OSBPL6: variants seen among roughly 807,000 people sequenced by gnomAD.
The protein encoded by OSBPL6 is oxysterol binding protein like 6.
A neutral mutation model predicts 125.8 loss-of-function variants in OSBPL6; 49 were observed. The observed-to-expected ratio is 0.39, with a 90% CI of 0.31 to 0.49. OSBPL6 has a LOEUF of 0.49. Among genes scored for constraint, OSBPL6 ranks in the 20% least tolerant of loss-of-function variants. OSBPL6 has a pLI of 0.88. For missense variants in OSBPL6, 986 were observed against 1,135.4 expected (o/e 0.87, Z 1.89); for synonymous variants, 394 against 391.8 (o/e 1.01, Z -0.07).
At chr2:178,247,016 ACCC>A (rs1491121004) in intron 1 of OSBPL6, among the ~76,000 whole-genome samples, 1 of 43,186 alleles carries the variant, frequency 2.3e-5, no homozygotes, top group Non-Finnish European at 4.7e-5. Context: ...GCCCCTCCCC[ACCC>A]CCCCATGTTA....
intron 3 of OSBPL6, among the ~76,000 whole-genome samples, chr2:178,310,354 TGATTTC>T (rs1261044454): frequency 6.6e-6 from 1 of 151,800 alleles, no homozygotes; most frequent in Non-Finnish European, 1.5e-5. Context: ...TTACCAAGGG[TGATTTC>T]AACTTGGATT....
chr2:178,235,777 T>C (rs988950282), intron 1 of OSBPL6, among the ~76,000 whole-genome samples: 1 of 152,232 alleles, frequency 6.6e-6, no homozygotes, highest in Non-Finnish European at 1.5e-5. Context: ...GGCTTAACAA[T>C]CTAATTTTTA....
rs1043126802 is a variant in OSBPL6, at chr2:178,275,436, C to T, written c.-350-9491C>T. On this transcript the variant is annotated intron_variant, in intron 1 of 24. Transcript: ENST00000190611. ...CAGAGGCAGGAGAATCTCTTGAACC[C>T]GGAAGCCGGAGGTTGCAGTGAGCCA... is the stretch of plus-strand genomic sequence containing the variant. Among the ~76,000 whole-genome samples, 12 of 152,090 alleles carry T rather than the reference C, an allele frequency of 7.9e-5. 1 individual carries two copies. In the South Asian group the frequency reaches 1.2e-3, roughly 16 times the overall value.
At chr2:178,335,779 T>G (rs1462167985) in intron 8 of OSBPL6, among the ~76,000 whole-genome samples, 1 of 152,216 alleles carries the variant, frequency 6.6e-6, no homozygotes, top group Non-Finnish European at 1.5e-5. Context: ...ATAACTTTAA[T>G]GGAAAGCTAT....
intron 1 of OSBPL6, among the ~76,000 whole-genome samples, chr2:178,249,082 T>C (rs1037857998): frequency 5.3e-5 from 8 of 151,954 alleles, no homozygotes; most frequent in African/African-American, 1.9e-4. Flanking sequence ...GATTATAAAG[T>C]GTGCACTACC....
chr2:178,298,663 G>A (rs1326029648), intron 2 of OSBPL6, among the ~76,000 whole-genome samples: 2 of 149,640 alleles, frequency 1.3e-5, no homozygotes, highest in East Asian at 1.9e-4. Flanking sequence ...GATTACAGGT[G>A]TGAGCCACCA....
chr2:178,352,665 G>A (rs1057299998), intron 12 of OSBPL6, among the ~76,000 whole-genome samples: 2 of 152,166 alleles, frequency 1.3e-5, no homozygotes, highest in East Asian at 3.9e-4. Context: ...TCAGGGCATA[G>A]TTGAAAAAAA....
At chr2:178,211,164 A>G (rs1043760079) in intron 1 of OSBPL6, among the ~76,000 whole-genome samples, 9 of 152,134 alleles carry the variant, frequency 5.9e-5, no homozygotes, top group Admixed American at 2.6e-4. Context: ...CCAGCTCCTC[A>G]CGAGGCTAAG....
rs2090155502 is a variant in OSBPL6, at chr2:178,217,907, T to C, written c.-351+23233T>C. 4.6e-5 allele frequency among the ~76,000 whole-genome samples: 7 copies of C among 152,300 alleles called. No homozygotes were observed. The South Asian group carries it at 1.5e-3, about 32-fold the overall frequency. On this transcript the variant is annotated intron_variant, in intron 1 of 24. Coordinates refer to ENST00000190611, the MANE Select transcript of OSBPL6 (RefSeq NM_032523.4). ...GAAAGGAAAATAATTTGGGGCTGGTTTTCATGAAAAGGAAAACCTTATGGA... is the reference window on the plus strand; with the variant it reads ...GAAAGGAAAATAATTTGGGGCTGGTCTTCATGAAAAGGAAAACCTTATGGA...
intron 1 of OSBPL6, among the ~76,000 whole-genome samples, chr2:178,245,058 A>G: frequency 6.6e-6 from 1 of 152,170 alleles, no homozygotes. Context: ...GACACGATGG[A>G]TTATACTGCA....
At chr2:178,217,656 G>A (rs1297445012) in intron 1 of OSBPL6, among the ~76,000 whole-genome samples, 1 of 152,200 alleles carries the variant, frequency 6.6e-6, no homozygotes, top group Non-Finnish European at 1.5e-5. Context: ...TCACAGATTG[G>A]TTCCATCAGG....
intron 8 of OSBPL6, 118 bp from the exon 9 acceptor site, chr2:178,336,183 G>A: frequency 7.7e-7 from 1 of 1,306,562 alleles, no homozygotes; most frequent in Non-Finnish European, 1.1e-6. Context: ...CTTCTTCCAT[G>A]TTTTGAGTGT....
chr2:178,271,502 AAG>A (rs1302675839), intron 1 of OSBPL6, among the ~76,000 whole-genome samples: 1 of 152,180 alleles, frequency 6.6e-6, no homozygotes, highest in East Asian at 1.9e-4. Flanking sequence ...CAAAACAAAA[AAG>A]AGAAATTCAG....
At chr2:178,262,830 T>C (rs1488082075) in intron 1 of OSBPL6, among the ~76,000 whole-genome samples, 1 of 152,188 alleles carries the variant, frequency 6.6e-6, no homozygotes, top group Non-Finnish European at 1.5e-5. Context: ...GACATTAATA[T>C]ATATAGATCT....
At chr2:178,294,209 T>A (rs1057005141) in intron 2 of OSBPL6, among the ~76,000 whole-genome samples, 23 of 152,302 alleles carry the variant, frequency 1.5e-4, no homozygotes, top group African/African-American at 5.3e-4. Context: ...CCACTAGGTG[T>A]CTTATGCCTA....
chr2:178,320,860 T>C (rs1688176209), intron 3 of OSBPL6, among the ~76,000 whole-genome samples: 2 of 152,228 alleles, frequency 1.3e-5, no homozygotes, highest in Non-Finnish European at 2.9e-5. Flanking sequence ...GGAGCATGAT[T>C]TTTATAATTC....
In OSBPL6 at chr2:178,397,318, C is replaced by A. The variant is rs1695910198; in HGVS notation, c.*1759C>A. The A allele has an allele frequency of 6.6e-6, 1 of 152,210 alleles. No individual in the cohort carries two copies. The highest frequency in any genetic ancestry group is 1.5e-5 in the Non-Finnish European group (1 of 68,040). The allele number at this position is 152,210 out of a possible 1,614,324, so 9.4% of individuals were successfully genotyped here. On this transcript the variant is annotated 3_prime_UTR_variant, in exon 25 of 25. Transcript: ENST00000190611. ...TTCATTCTCAGGTAAATTTTCGAAT[C>A]CATCACCAGATCTAAGCATTCTGCT...
intron 5 of OSBPL6, among the ~76,000 whole-genome samples, chr2:178,331,300 A>G (rs1397132570): frequency 1.6e-4 from 25 of 152,194 alleles, no homozygotes; most frequent in Admixed American, 1.6e-3. Context: ...GTTAAGAAAA[A>G]TCATGGTGAA....
chr2:178,306,204 G>A lies in OSBPL6; in HGVS notation c.20G>A (p.Gly7Asp), dbSNP rs577290729. 35 of 1,613,108 alleles carry A rather than the reference G, an allele frequency of 2.2e-5. 1 individual carries two copies. In the South Asian group the frequency reaches 3.8e-4, roughly 18 times the overall value. The change falls in exon 3 of 25, where the codon GGC (glycine) becomes GAC (aspartate). Residue 7 changes from glycine (G) to aspartate (D), a missense_variant. Transcript: ENST00000190611. ...GCAGCGATGAGTTCAGATGAGAAGG[G>A]CATTTCCCCTGCTCATAAAACATCC... MSSDEK[G>D]ISPAHKTSTP...
Sources: gnomAD v4.1 joint callset for allele counts (sites outside exome capture counted in the v4.1 genomes callset) on GRCh38, gnomAD v4.1.1 for gene constraint, MANE v1.5 for transcripts, NCBI Gene and HGNC (gene_info 2026-07-23, HGNC 2026-07-21) for gene names.